The following USP20 variants were observed in gnomAD, a reference collection of about 807,000 sequenced individuals.
USP20 encodes ubiquitin carboxyl-terminal hydrolase 20.
In USP20, 80 loss-of-function variants were observed where a neutral mutation model predicts 124.2. The observed-to-expected ratio is 0.64, with a 90% CI of 0.54 to 0.78. USP20 has a LOEUF of 0.78. Among genes scored for constraint, USP20 ranks in the 30% least tolerant of loss-of-function variants. USP20 has a pLI of 0.00. For missense variants in USP20, 1,043 were observed against 1,244.4 expected (o/e 0.84, Z 2.44); for synonymous variants, 481 against 512.3 (o/e 0.94, Z 0.83).
At chr9:129,869,242 C>T (rs1194172519) in intron 12 of USP20, 68 bp from the exon 13 acceptor site, 4 of 1,499,168 alleles carry the variant, frequency 2.7e-6, no homozygotes, top group Non-Finnish European at 2.8e-6. Context: ...TCAAAGGAAG[C>T]CGCAGGGCCC....
chr9:129,867,952 A>G (rs913325), intron 10 of USP20, 53 bp from the exon 11 acceptor site: 1,414,638 of 1,560,754 alleles, frequency 0.91, 642,504 homozygotes, highest in East Asian at 1. Context: ...GGCGCTGGAG[A>G]CTGGTTCCTC....
At chr9:129,863,958 T>C (rs1383957220) in intron 9 of USP20, among the ~76,000 whole-genome samples, 4 of 151,744 alleles carry the variant, frequency 2.6e-5, no homozygotes, top group Admixed American at 2.0e-4. Context: ...ATACAAAAAT[T>C]AGCTGGGTGT....
Position 129,868,364 on chromosome 9 carries a change from G to C in USP20, c.1050G>C (p.Val350=). The C allele has an allele frequency of 1.9e-6, 3 of 1,599,246 alleles. No homozygotes were observed. Among genetic ancestry groups the C allele is most frequent in the Non-Finnish European group, 1.7e-6 (2 of 1,175,492 alleles). Residue 350 remains valine (V), a synonymous_variant, in exon 11 of 26, where the codon GTG becomes GTC. Coordinates refer to ENST00000372429, the MANE Select transcript of USP20 (RefSeq NM_001110303.4). The part of the protein sequence containing the change: ...NSEQVDEDAD[V]DTAMAALDDQ... ...AGCAAGTGGACGAGGACGCTGATGTGGACACTGCCATGGCTGCCCTTGACG... is the reference window on the plus strand; with the variant it reads ...AGCAAGTGGACGAGGACGCTGATGTCGACACTGCCATGGCTGCCCTTGACG...
Position 129,863,216 on chromosome 9 carries a change from T to C in USP20, c.528T>C (p.Cys176=). 6.5e-7 allele frequency: 1 copy of C among 1,547,538 alleles called. No individual in the cohort carries two copies. Among genetic ancestry groups the C allele is most frequent in the Non-Finnish European group, 8.7e-7 (1 of 1,143,374 alleles). The change falls in exon 9 of 26, where the codon TGT becomes TGC. Residue 176 remains cysteine, a synonymous_variant. Transcript: ENST00000372429. ...CPPLTQFFLE[C]GGLVRTDKKP... Reference sequence around the variant, plus strand: ...CGCTGACTCAGTTCTTCTTGGAGTGTGGCGGCCTGGTGCGCACAGATAAGA... The same window carrying C: ...CGCTGACTCAGTTCTTCTTGGAGTGCGGCGGCCTGGTGCGCACAGATAAGA...
intron 10 of USP20, 64 bp from the exon 11 acceptor site, chr9:129,867,939 CAG>C: frequency 1.3e-6 from 2 of 1,536,282 alleles, no homozygotes; most frequent in Non-Finnish European, 1.7e-6. Flanking sequence ...TCATCAGCCA[CAG>C]GGCGCTGGAG....
chr9:129,878,679 G>T (rs1202142851), intron 23 of USP20, among the ~76,000 whole-genome samples: 8 of 152,192 alleles, frequency 5.3e-5, no homozygotes, highest in Admixed American at 4.6e-4. Flanking sequence ...TCCACTCCCT[G>T]CCATGCCCAG....
Position 129,871,686 on chromosome 9 carries a change from G to A in USP20, c.1660+1139G>A, listed in dbSNP as rs117314073. On this transcript the variant is annotated intron_variant, in intron 15 of 25. Coordinates refer to ENST00000372429, the MANE Select transcript of USP20 (RefSeq NM_001110303.4). ...ATGGGAGTCAACCTCATGGGTATGA[G>A]GTGGTATCTCATTGTGCGTTTTTTT... Among the ~76,000 whole-genome samples the A allele has an allele frequency of 1.6e-3, 246 of 152,254 alleles. 8 individuals carry two copies. The East Asian group carries it at 0.046, about 29-fold the overall frequency.
Position 129,875,406 on chromosome 9 carries a change from G to C in USP20, c.2145G>C (p.Glu715Asp), listed in dbSNP as rs768297447. ...TGCTGCGGTTCTACGTGTCCCGCGA[G>C]TGGCTCAACAAGTTCAACACCTTCG... ...PSLLRFYVSR[E>D]WLNKFNTFAE... Residue 715 changes from glutamate to aspartate, a missense_variant, in exon 20 of 26, where the codon GAG (glutamate) becomes GAC (aspartate). Physicochemically the swap from Glu to Asp is conservative, Grantham distance 45. Transcript: ENST00000372429. The C allele has an allele frequency of 6.2e-7, 1 of 1,613,710 alleles. No individual in the cohort carries two copies. Among genetic ancestry groups the C allele is most frequent in the Non-Finnish European group, 8.5e-7 (1 of 1,179,990 alleles).
Position 129,868,895 on chromosome 9 carries a change from C to A in USP20, c.1169C>A (p.Ser390Tyr), listed in dbSNP as rs2033967025. Reference protein sequence around the residue: ...PDNDAHLRSSSRPCSPVHHHE... With the variant: ...PDNDAHLRSSYRPCSPVHHHE... ...AATGATGCTCACCTACGCAGCTCCT[C>A]TCGCCCCTGCAGCCCCGTCCACCAC... Residue 390 changes from serine to tyrosine, a missense_variant, in exon 12 of 26, where the codon TCT becomes TAT. Physicochemically the swap from Ser to Tyr is moderately radical, Grantham distance 144 (BLOSUM62 -2). Transcript: ENST00000372429. The A allele has an allele frequency of 6.2e-7, 1 of 1,604,502 alleles. No individual in the cohort carries two copies. Among genetic ancestry groups the A allele is most frequent in the East Asian group, 2.2e-5 (1 of 44,638 alleles).
chr9:129,865,238 G>C, intron 9 of USP20, 65 bp from the exon 10 acceptor site: 1 of 1,566,262 alleles, frequency 6.4e-7, no homozygotes, highest in South Asian at 1.1e-5. Context: ...CTGGCTGCCT[G>C]CTTCTCTCGG....
chr9:129,863,410 A>G, intron 9 of USP20, 111 bp downstream of exon 9: 1 of 822,948 alleles, frequency 1.2e-6, no homozygotes, highest in Non-Finnish European at 1.9e-6. Context: ...GACTTGCCTC[A>G]CTTTGTCCCG....
chr9:129,878,550 C>T (rs1415160498), intron 23 of USP20, 110 bp downstream of exon 23: 3 of 946,118 alleles, frequency 3.2e-6, no homozygotes, highest in African/African-American at 1.7e-5. Context: ...CCATGCCTGC[C>T]CCCAGGTGCC....
Position 129,870,575 on chromosome 9 carries a change from G to T in USP20, c.1660+28G>T, listed in dbSNP as rs1473780859. On this transcript the variant is annotated intron_variant, in intron 15 of 25. Coordinates refer to ENST00000372429, the MANE Select transcript of USP20 (RefSeq NM_001110303.4). ...GAGGGGCCTGGCTGGCAAGGGTCGG[G>T]GAGGTGGAGGGTTGTGGGGACGGGG... 4 of 1,612,528 alleles carry T rather than the reference G, an allele frequency of 2.5e-6. No individual in the cohort carries two copies. The African/African-American group carries it at 5.3e-5, about 22-fold the overall frequency.
chr9:129,869,459 G>A (rs1415228062), intron 13 of USP20, 34 bp downstream of exon 13: 1 of 1,600,834 alleles, frequency 6.2e-7, no homozygotes, highest in Non-Finnish European at 8.6e-7. Context: ...AGCTGGGCCA[G>A]GCTGCCAGTG....
chr9:129,865,466 G>T lies in USP20; in HGVS notation c.690+85G>T, dbSNP rs565495568. 16 of 1,423,974 alleles carry T rather than the reference G, an allele frequency of 1.1e-5. 1 individual carries two copies. In the Admixed American group the frequency reaches 1.2e-4, roughly 11 times the overall value. 88.2% of individuals were successfully genotyped at this position (1,423,974 alleles called of 1,614,324 possible). ...GACGCCAAAACCAGAGTGGAAAATC[G>T]CAATGGCAGCTGAGCACTGGTTGGC... On this transcript the variant is annotated intron_variant, in intron 10 of 25. Coordinates refer to ENST00000372429, the MANE Select transcript of USP20 (RefSeq NM_001110303.4).
intron 4 of USP20, 151 bp downstream of exon 4, chr9:129,856,511 A>G (rs2033226975): frequency 2.3e-6 from 2 of 855,560 alleles, no homozygotes; most frequent in Non-Finnish European, 3.8e-6. Context: ...ACAGGGGCAC[A>G]GGACTCCAAA....
intron 2 of USP20, among the ~76,000 whole-genome samples, chr9:129,850,741 C>G (rs1042606085): frequency 2.0e-5 from 3 of 152,140 alleles, no homozygotes; most frequent in Non-Finnish European, 2.9e-5. Context: ...CCACAACTTC[C>G]GCCTCCTGGG....
chr9:129,867,616 T>C (rs1266257693), intron 10 of USP20, among the ~76,000 whole-genome samples: 1 of 152,114 alleles, frequency 6.6e-6, no homozygotes, highest in Non-Finnish European at 1.5e-5. Context: ...CCACCTCCAC[T>C]GGTCTCATCT....
At chr9:129,863,143 C>T (rs1192465924) in intron 8 of USP20, 43 bp from the exon 9 acceptor site, 2 of 1,457,642 alleles carry the variant, frequency 1.4e-6, no homozygotes, top group Admixed American at 2.1e-5. Context: ...TGCCGCATGC[C>T]TCATTTGCTC....
Sources: gnomAD v4.1 joint callset for allele counts (sites outside exome capture counted in the v4.1 genomes callset) on GRCh38, gnomAD v4.1.1 for gene constraint, MANE v1.5 for transcripts, NCBI Gene and HGNC (gene_info 2026-07-23, HGNC 2026-07-21) for gene names.